The following STAM2 variants were observed in gnomAD, a reference collection of about 807,000 sequenced individuals.
STAM2 encodes the protein signal transducing adapter molecule 2.
Under a neutral mutation model 65.6 loss-of-function variants are expected in STAM2, and 51 were observed. That is an observed-to-expected ratio of 0.78 (90% confidence interval 0.62 to 0.98). STAM2 has a LOEUF of 0.98. Among genes scored for constraint, STAM2 ranks in the 50% least tolerant of loss-of-function variants. STAM2 has a pLI of 0.00. For missense variants in STAM2, 584 were observed against 617.8 expected, an observed-to-expected ratio of 0.95 and a Z score of 0.58; for synonymous variants, 198 against 208.4, an observed-to-expected ratio of 0.95 and a Z score of 0.43.
intron 1 of STAM2, among the ~76,000 whole-genome samples, chr2:152,162,763 T>G (rs1178970050): frequency 6.6e-6 from 1 of 151,820 alleles, no homozygotes; most frequent in African/African-American, 2.4e-5. Flanking sequence ...CGCCTCAGCA[T>G]CCCAAGTAGC....
At chr2:152,139,223 AT>A (rs1689204028) in intron 7 of STAM2, among the ~76,000 whole-genome samples, 1 of 152,240 alleles carries the variant, frequency 6.6e-6, no homozygotes. Flanking sequence ...AGCTTTTTAT[AT>A]TAAAAAAAGA....
At chr2:152,144,826 C>T (rs866685342) in intron 6 of STAM2, 62 bp downstream of exon 6, 142 of 1,459,102 alleles carry the variant, frequency 9.7e-5, no homozygotes, top group Middle Eastern at 6.9e-4. Flanking sequence ...CGTGAGCCAC[C>T]GCGCCCAGCC....
intron 1 of STAM2, among the ~76,000 whole-genome samples, chr2:152,154,218 T>C (rs932911525): frequency 6.6e-6 from 1 of 151,938 alleles, no homozygotes; most frequent in Non-Finnish European, 1.5e-5. Context: ...AATCACTCAG[T>C]GGTGGTGGAA....
At chr2:152,170,115 G>A (rs183750000) in intron 1 of STAM2, among the ~76,000 whole-genome samples, 15 of 151,222 alleles carry the variant, frequency 9.9e-5, no homozygotes, top group East Asian at 9.9e-4. Flanking sequence ...GGGATTACAG[G>A]CATGAGCCAC....
intron 1 of STAM2, among the ~76,000 whole-genome samples, chr2:152,161,818 A>AT (rs1006876123): frequency 1.4e-4 from 21 of 147,390 alleles, no homozygotes; most frequent in East Asian, 4.0e-4. Flanking sequence ...TCTGCATACC[A>AT]TTTTTTTTTC....
chr2:152,160,279 G>A (rs1320320901), intron 1 of STAM2, among the ~76,000 whole-genome samples: 1 of 150,048 alleles, frequency 6.7e-6, no homozygotes, highest in African/African-American at 2.5e-5. Flanking sequence ...CATCTAGGAA[G>A]TGAGGAGCGC....
chr2:152,151,573 T>C (rs142908734), intron 1 of STAM2, among the ~76,000 whole-genome samples: 7 of 152,350 alleles, frequency 4.6e-5, no homozygotes, highest in African/African-American at 1.4e-4. Context: ...GTTTTGACTA[T>C]ATTCATAGAG....
At chr2:152,171,268 T>C (rs1375420718) in intron 1 of STAM2, among the ~76,000 whole-genome samples, 1 of 152,164 alleles carries the variant, frequency 6.6e-6, no homozygotes, top group African/African-American at 2.4e-5. Flanking sequence ...TATTAGCACT[T>C]GACATAATTG....
chr2:152,152,275 G>A (rs148610134), intron 1 of STAM2, among the ~76,000 whole-genome samples: 2 of 152,090 alleles, frequency 1.3e-5, no homozygotes, highest in South Asian at 2.1e-4. Flanking sequence ...TTTGGGCCAG[G>A]AGCGGTGGCT....
At chr2:152,162,909 C>T (rs1031850350) in intron 1 of STAM2, among the ~76,000 whole-genome samples, 1 of 152,110 alleles carries the variant, frequency 6.6e-6, no homozygotes. Flanking sequence ...ATCTGCCCGC[C>T]TCAGCCTCCC....
intron 7 of STAM2, among the ~76,000 whole-genome samples, chr2:152,136,449 T>A (rs970920525): frequency 3.3e-5 from 5 of 151,562 alleles, no homozygotes; most frequent in Admixed American, 1.3e-4. Flanking sequence ...AAAAAAAAAA[T>A]AATAAAATTA....
intron 1 of STAM2, among the ~76,000 whole-genome samples, chr2:152,173,676 C>T (rs1485277894): frequency 1.3e-5 from 2 of 152,092 alleles, no homozygotes; most frequent in Non-Finnish European, 2.9e-5. Flanking sequence ...GGATTACAGG[C>T]GTGAGCCGCT....
chr2:152,159,895 G>C (rs1689629052), intron 1 of STAM2, among the ~76,000 whole-genome samples: 1 of 152,204 alleles, frequency 6.6e-6, no homozygotes, highest in African/African-American at 2.4e-5. Context: ...CGCCTGACTG[G>C]TTTTCCTATT....
chr2:152,152,956 T>C (rs1689475069), intron 1 of STAM2, among the ~76,000 whole-genome samples: 1 of 152,216 alleles, frequency 6.6e-6, no homozygotes, highest in African/African-American at 2.4e-5. Flanking sequence ...ACAGTATGTA[T>C]GTAGAAAATA....
chr2:152,121,332 G>GT (rs1688850214), intron 13 of STAM2, among the ~76,000 whole-genome samples: 1 of 152,084 alleles, frequency 6.6e-6, no homozygotes, highest in Non-Finnish European at 1.5e-5. Context: ...CAAACAAAAT[G>GT]TAAGATTCTA....
intron 1 of STAM2, among the ~76,000 whole-genome samples, chr2:152,156,375 T>C (rs938734822): frequency 1.3e-5 from 2 of 152,180 alleles, no homozygotes; most frequent in African/African-American, 4.8e-5. Flanking sequence ...CTTAGGAGTA[T>C]TTTAAACCCC....
intron 5 of STAM2, 76 bp downstream of exon 5, chr2:152,147,086 C>G: frequency 1.5e-6 from 2 of 1,335,948 alleles, no homozygotes; most frequent in Non-Finnish European, 2.0e-6. Flanking sequence ...CTAGACATAC[C>G]TTGCCTAGTC....
Position 152,142,373 on chromosome 2 carries a change from T to C in STAM2, c.704+1454A>G, listed in dbSNP as rs530776070. ...AACCACTCATTTTGTTTTTATTTTA[T>C]AAATATCTTTAACTTCATAGTTGTA... On this transcript the variant is annotated intron_variant, in intron 7 of 13. Transcript: ENST00000263904. Among the ~76,000 whole-genome samples, 20 of 152,356 alleles carry C rather than the reference T, an allele frequency of 1.3e-4. No individual in the cohort carries two copies. In the South Asian group the frequency reaches 3.9e-3, roughly 30 times the overall value.
chr2:152,138,948 C>A (rs1579318349), intron 7 of STAM2, among the ~76,000 whole-genome samples: 1 of 152,134 alleles, frequency 6.6e-6, no homozygotes, highest in East Asian at 1.9e-4. Context: ...GTGGTTCTAC[C>A]AATATAGGAT....
Sources: gnomAD v4.1 joint callset for allele counts (sites outside exome capture counted in the v4.1 genomes callset) on GRCh38, gnomAD v4.1.1 for gene constraint, MANE v1.5 for transcripts, NCBI Gene and HGNC (gene_info 2026-07-23, HGNC 2026-07-21) for gene names.